SEMA3A: variants seen among roughly 807,000 people sequenced by gnomAD.
SEMA3A encodes the protein semaphorin-3A.
Under a neutral mutation model 97.9 loss-of-function variants are expected in SEMA3A, and 29 were observed. That is an observed-to-expected ratio of 0.30 (90% confidence interval 0.22 to 0.40). SEMA3A has a LOEUF of 0.40. Ranked by LOEUF, SEMA3A falls within the 10% of genes least tolerant of loss-of-function variation. The probability of loss-of-function intolerance (pLI) is 1.00; values close to 1 mark genes in which losing one functional copy is unlikely to be tolerated. For synonymous variants in SEMA3A, 321 were observed against 323.7 expected, an observed-to-expected ratio of 0.99 and a Z score of 0.09; for missense variants, 763 against 951.3, an observed-to-expected ratio of 0.80 and a Z score of 2.60.
chr7:84,220,516 G>A (rs565879434), intron 3 of SEMA3A, among the ~76,000 whole-genome samples: 1 of 152,222 alleles, frequency 6.6e-6, no homozygotes, highest in East Asian at 1.9e-4. Context: ...ACTATCAGTG[G>A]GAGTTATAGC....
chr7:84,010,224 A>T (rs1790825350), intron 9 of SEMA3A, among the ~76,000 whole-genome samples: 1 of 152,190 alleles, frequency 6.6e-6, no homozygotes. Flanking sequence ...TACACTATGT[A>T]AAGTGTCTTC....
At chr7:84,425,880 A>C (rs1317619225) in intron 1 of SEMA3A, among the ~76,000 whole-genome samples, 4 of 136,454 alleles carry the variant, frequency 2.9e-5, no homozygotes, top group African/African-American at 1.1e-4. Flanking sequence ...ACACACACCC[A>C]CACACACACT....
rs557531321 is a variant in SEMA3A, at chr7:84,155,488, C to A, written c.113-20537G>T. 2.6e-5 allele frequency among the ~76,000 whole-genome samples: 4 copies of A among 152,224 alleles called. No homozygotes were observed. The South Asian group carries it at 8.3e-4, about 32-fold the overall frequency. Reference sequence around the variant, plus strand: ...GCAAAATCATTTGACCTCAGATAGGCCATCTTTTCCACTTTAGGAATTTCT... The same window carrying A: ...GCAAAATCATTTGACCTCAGATAGGACATCTTTTCCACTTTAGGAATTTCT... On this transcript the variant is annotated intron_variant, in intron 1 of 16. Coordinates refer to ENST00000265362, the MANE Select transcript of SEMA3A (RefSeq NM_006080.3).
chr7:84,296,036 G>A (rs925639089), intron 3 of SEMA3A, among the ~76,000 whole-genome samples: 2 of 152,086 alleles, frequency 1.3e-5, no homozygotes, highest in Non-Finnish European at 2.9e-5. Context: ...ACACAATCAA[G>A]TTACTAATTG....
intron 3 of SEMA3A, among the ~76,000 whole-genome samples, chr7:84,260,077 T>A (rs1799813460): frequency 6.6e-6 from 1 of 152,172 alleles, no homozygotes; most frequent in African/African-American, 2.4e-5. Flanking sequence ...AGCATTTAGT[T>A]GGTAGTAAAT....
At chr7:84,483,288 A>T (rs1806492126) in intron 1 of SEMA3A, among the ~76,000 whole-genome samples, 1 of 152,178 alleles carries the variant, frequency 6.6e-6, no homozygotes, top group Non-Finnish European at 1.5e-5. Context: ...AATGTCAACC[A>T]CATTACTGGG....
intron 1 of SEMA3A, among the ~76,000 whole-genome samples, chr7:84,441,722 A>G (rs943970283): frequency 3.3e-5 from 5 of 152,194 alleles, no homozygotes; most frequent in Non-Finnish European, 2.9e-5. Context: ...AGAGACACAC[A>G]TGGAGATATA....
chr7:84,135,926 AAAC>A (rs1194486168), intron 1 of SEMA3A, among the ~76,000 whole-genome samples: 1 of 152,210 alleles, frequency 6.6e-6, no homozygotes, highest in African/African-American at 2.4e-5. Context: ...GGCAAATACT[AAAC>A]AATATACCTA....
At chr7:84,371,542 A>T (rs1802977282) in intron 2 of SEMA3A, among the ~76,000 whole-genome samples, 1 of 151,904 alleles carries the variant, frequency 6.6e-6, no homozygotes, top group South Asian at 2.1e-4. Context: ...TAAAATATTA[A>T]ATCATGGAAC....
chr7:84,389,299 T>A (rs1803480113), intron 1 of SEMA3A, among the ~76,000 whole-genome samples: 3 of 152,048 alleles, frequency 2.0e-5, no homozygotes, highest in African/African-American at 7.2e-5. Flanking sequence ...TCTATGCTTC[T>A]CCCCATGTCA....
At chr7:84,143,587 G>A (rs1584030821) in intron 1 of SEMA3A, among the ~76,000 whole-genome samples, 1 of 152,028 alleles carries the variant, frequency 6.6e-6, no homozygotes, top group East Asian at 1.9e-4. Flanking sequence ...TGAACACAGT[G>A]GCTCAAGCCT....
At chr7:84,073,722 A>C (rs1010068132) in intron 4 of SEMA3A, among the ~76,000 whole-genome samples, 3 of 152,082 alleles carry the variant, frequency 2.0e-5, no homozygotes, top group African/African-American at 7.2e-5. Context: ...CTTTTCATGC[A>C]TTATGGCCGT....
At chr7:84,047,909 T>C (rs1483571421) in intron 5 of SEMA3A, among the ~76,000 whole-genome samples, 1 of 151,984 alleles carries the variant, frequency 6.6e-6, no homozygotes, top group African/African-American at 2.4e-5. Flanking sequence ...GGTAGAACCT[T>C]TGTCTCGCTT....
At chr7:83,986,374 T>C (rs1789635685) in intron 12 of SEMA3A, among the ~76,000 whole-genome samples, 1 of 152,192 alleles carries the variant, frequency 6.6e-6, no homozygotes, top group African/African-American at 2.4e-5. Context: ...GAGTAATAAC[T>C]AGGGAAGTAA....
chr7:84,077,824 C>G (rs1347080566), intron 4 of SEMA3A, among the ~76,000 whole-genome samples: 1 of 151,622 alleles, frequency 6.6e-6, no homozygotes, highest in Non-Finnish European at 1.5e-5. Flanking sequence ...GTGAATATAT[C>G]TTTATGAAAA....
rs1303294907 is a variant in SEMA3A, at chr7:84,312,901, TATATATATATATATATATATAC to T, written c.-168-5631_-168-5610del. Among the ~76,000 whole-genome samples, 94 of 81,270 alleles carry T rather than the reference TATATATATATATATATATATAC, an allele frequency of 1.2e-3. 4 individuals are homozygous for T. Among genetic ancestry groups the T allele is most frequent in the South Asian group, 6.9e-3 (14 of 2,038 alleles). The allele number at this position is 81,270 out of a possible 152,430, so 53.3% of individuals were successfully genotyped here. A position where few individuals can be genotyped will look rare whatever the true frequency, so the allele number is the denominator to read the frequency against. ...ATATATATATATATATATATATATA[TATATATATATATATATATATAC>T]ACACACACACACACACACACGTACA... On this transcript the variant is annotated intron_variant, in intron 2 of 3. Coordinates refer to the SEMA3A transcript ENST00000424555.
chr7:84,455,078 G>T (rs1046556798), intron 1 of SEMA3A, among the ~76,000 whole-genome samples: 1 of 151,896 alleles, frequency 6.6e-6, no homozygotes, highest in African/African-American at 2.4e-5. Flanking sequence ...AAATTAAGTA[G>T]ATAGTATTGT....
At chr7:84,414,034 T>G (rs917281341) in intron 1 of SEMA3A, among the ~76,000 whole-genome samples, 1 of 152,144 alleles carries the variant, frequency 6.6e-6, no homozygotes, top group Non-Finnish European at 1.5e-5. Context: ...ACCGTAAATT[T>G]CTGATTACTC....
rs567558102 is a variant in SEMA3A at position 84,201,476 on chromosome 7, C to A, written c.-82-6808G>T. On this transcript the variant is annotated intron_variant, in intron 3 of 3. Transcript: ENST00000424555. Reference sequence around the variant, plus strand: ...ATTCCATATTGTCTGAAGTGTAAAACATCATTTGATCCAGTTTATGCTTCT... The same window carrying A: ...ATTCCATATTGTCTGAAGTGTAAAAAATCATTTGATCCAGTTTATGCTTCT... Among the ~76,000 whole-genome samples, 16 of 150,946 alleles carry A rather than the reference C, an allele frequency of 1.1e-4. No individual in the cohort carries two copies. In the East Asian group the frequency reaches 2.9e-3, roughly 27 times the overall value.
Sources: gnomAD v4.1 joint callset for allele counts (sites outside exome capture counted in the v4.1 genomes callset) on GRCh38, gnomAD v4.1.1 for gene constraint, MANE v1.5 for transcripts, NCBI Gene and HGNC (gene_info 2026-07-23, HGNC 2026-07-21) for gene names.